Variants in LIMS2 observed in about 807,000 individuals in gnomAD.
The protein encoded by LIMS2 is LIM zinc finger domain containing 2, also known as LIM and senescent cell antigen-like-containing domain protein 2.
In LIMS2, 30 loss-of-function variants were observed where a neutral mutation model predicts 45.3. That is an observed-to-expected ratio of 0.66 (90% CI 0.50 to 0.90). LIMS2 has a LOEUF of 0.90. LIMS2 is among the 40% of genes least tolerant of loss of function. The pLI, the probability that LIMS2 is intolerant of heterozygous loss-of-function variation, is 0.00. For missense variants in LIMS2, 485 were observed against 468.7 expected (o/e 1.03, Z -0.32); for synonymous variants, 173 against 188.0 (o/e 0.92, Z 0.65).
At position 127,668,000 on chromosome 2, in the gene LIMS2, G is replaced by T. The variant is rs1335393844; in HGVS notation, c.11+7014C>A. Among the ~76,000 whole-genome samples, 1 of 152,122 alleles carries T rather than the reference G, an allele frequency of 6.6e-6. No homozygotes were observed. Among genetic ancestry groups the T allele is most frequent in the African/African-American group, 2.4e-5 (1 of 41,412 alleles). On this transcript the variant is annotated intron_variant, in intron 1 of 9. Transcript: ENST00000355119. The surrounding 1 kb of genome is among the most constrained non-coding windows in gnomAD (Gnocchi z 4.1). Reference sequence around the variant, plus strand: ...GAAATGAGTTCAGTAAGTCTGCAAGGTATACACTCAATATACCAGAATCGC... The same window carrying T: ...GAAATGAGTTCAGTAAGTCTGCAAGTTATACACTCAATATACCAGAATCGC...
At position 127,647,149 on chromosome 2, in the gene LIMS2, T is replaced by C. The variant is rs775997765; in HGVS notation, c.360-4077A>G. 6.6e-6 allele frequency among the ~76,000 whole-genome samples: 1 copy of C among 152,212 alleles called. No individual in the cohort carries two copies. Among genetic ancestry groups the C allele is most frequent in the Non-Finnish European group, 1.5e-5 (1 of 68,034 alleles). ...CAGGGCCCTGAGCCCAGTAACACTC[T>C]GCCGTCACTGTCCTGAAACTCTTCC... On this transcript the variant is annotated intron_variant, in intron 4 of 9. Transcript: ENST00000355119. This position sits in a 1 kb window ranked among gnomAD's most constrained non-coding sequence, Gnocchi z 4.3.
chr2:127,660,121 G>A (rs1450782778), intron 1 of LIMS2, among the ~76,000 whole-genome samples: 1 of 152,222 alleles, frequency 6.6e-6, no homozygotes, highest in South Asian at 2.1e-4. Flanking sequence ...CCAAAGGATT[G>A]TAAATGCACC....
Position 127,640,148 on chromosome 2 carries a change from G to A in LIMS2, c.803-3C>T, listed in dbSNP as rs1203723192. 1 of 1,613,338 alleles carries A rather than the reference G, an allele frequency of 6.2e-7. No individual in the cohort carries two copies. The highest frequency in any genetic ancestry group is 8.5e-7 in the Non-Finnish European group (1 of 1,180,004). Reference sequence around the variant, plus strand: ...GGCCTTGTTGAGGGCCGACACCACTGTGAGGGAAGCGTGGGACTCAGCAGG... The same window carrying A: ...GGCCTTGTTGAGGGCCGACACCACTATGAGGGAAGCGTGGGACTCAGCAGG... On this transcript the variant is annotated splice_polypyrimidine_tract_variant and splice_region_variant and intron_variant, in intron 8 of 9. Coordinates refer to ENST00000355119, the MANE Select transcript of LIMS2 (RefSeq NM_001161403.3).
At chr2:127,655,086 G>A in intron 2 of LIMS2, 190 bp from the exon 3 acceptor site, 3 of 654,428 alleles carry the variant, frequency 4.6e-6, no homozygotes, top group South Asian at 1.8e-5. Context: ...ATGGTGGGGT[G>A]CAAAGGGAGG....
chr2:127,678,304 T>C (rs1685544450), upstream of LIMS2, among the ~76,000 whole-genome samples: 4 of 151,998 alleles, frequency 2.6e-5, 1 homozygote, highest in South Asian at 8.3e-4. This position sits in a 1 kb window ranked among gnomAD's most constrained non-coding sequence, Gnocchi z 5.3. Context: ...GAACTCAAGA[T>C]GGGGAGATGG....
chr2:127,677,500 G>A (rs1244410167), upstream of LIMS2, among the ~76,000 whole-genome samples: 1 of 152,138 alleles, frequency 6.6e-6, no homozygotes. The surrounding 1 kb of genome is among the most constrained non-coding windows in gnomAD (Gnocchi z 5.0). Context: ...TGCAGGAAAA[G>A]CATTCCGGCA....
At position 127,675,122 on chromosome 2, in the gene LIMS2, G is replaced by T. The variant is rs1199668983; in HGVS notation, c.-98C>A. ...GAGCGCCCGCCCGCCAGCCCGGGCCGCGGAGCAGGGAGACGCCCAAAAAAG... is the reference window on the plus strand; with the variant it reads ...GAGCGCCCGCCCGCCAGCCCGGGCCTCGGAGCAGGGAGACGCCCAAAAAAG... On this transcript the variant is annotated 5_prime_UTR_variant, in exon 1 of 10. Transcript: ENST00000355119. 4 of 1,160,268 alleles carry T rather than the reference G, an allele frequency of 3.4e-6. No homozygotes were observed. 71.9% of individuals were successfully genotyped at this position (1,160,268 alleles called of 1,614,324 possible). A position where few individuals can be genotyped will look rare whatever the true frequency, so the allele number is the denominator to read the frequency against.
chr2:127,654,715 G>C, intron 3 of LIMS2, 115 bp downstream of exon 3: 1 of 1,460,780 alleles, frequency 6.8e-7, no homozygotes, highest in South Asian at 1.2e-5. Flanking sequence ...AGAGAGGCAA[G>C]GTGGGGAGTT....
At chr2:127,650,976 G>T (rs141840938) in intron 4 of LIMS2, 34 of 1,613,694 alleles carry the variant, frequency 2.1e-5, no homozygotes, top group South Asian at 1.1e-5. Context: ...CTTGTCGTGC[G>T]TGCTGGTCCT....
At chr2:127,678,456 G>C (rs970230647), upstream of LIMS2, among the ~76,000 whole-genome samples, 2 of 152,328 alleles carry the variant, frequency 1.3e-5, no homozygotes, top group South Asian at 4.1e-4. This position sits in a 1 kb window ranked among gnomAD's most constrained non-coding sequence, Gnocchi z 5.3. Context: ...CCTAGCTGCT[G>C]TGTGGCCACT....
chr2:127,658,933 A>G (rs928346738), intron 1 of LIMS2, among the ~76,000 whole-genome samples: 1 of 152,166 alleles, frequency 6.6e-6, no homozygotes, highest in African/African-American at 2.4e-5. Flanking sequence ...CCGCGACATC[A>G]TGAGGGAAAT....
intron 1 of LIMS2, among the ~76,000 whole-genome samples, chr2:127,661,646 T>C (rs569758867): frequency 1.3e-5 from 2 of 151,930 alleles, no homozygotes; most frequent in South Asian, 4.2e-4. Context: ...ACCCCAGAGG[T>C]GGGGGAGAGC....
At chr2:127,662,368 C>G (rs1222421861) in intron 1 of LIMS2, among the ~76,000 whole-genome samples, 2 of 151,922 alleles carry the variant, frequency 1.3e-5, no homozygotes, top group South Asian at 4.2e-4. Flanking sequence ...CGGGGAGGGA[C>G]CCTACTGCAG....
At chr2:127,651,534 GCCTCCTGCGCCACCCAGCGCATCCTGGC>G (rs745935215) in intron 4 of LIMS2, 1 of 1,612,458 alleles carries the variant, frequency 6.2e-7, no homozygotes, top group Non-Finnish European at 8.5e-7. Flanking sequence ...CAGCCATGGG[GCCTCCTGCGCCACCCAGCGCATCCTGGC>G]CCTGGCAAAC....
chr2:127,656,664 C>G (rs927370203), intron 2 of LIMS2, among the ~76,000 whole-genome samples: 18 of 152,202 alleles, frequency 1.2e-4, no homozygotes, highest in African/African-American at 4.1e-4. Context: ...ATCCATCTGC[C>G]TCCGCCTCCC....
chr2:127,661,351 C>T (rs952019824), intron 1 of LIMS2, among the ~76,000 whole-genome samples: 1 of 152,252 alleles, frequency 6.6e-6, no homozygotes, highest in Non-Finnish European at 1.5e-5. Context: ...CCAGGCCAGG[C>T]AGGGCAAAGC....
At chr2:127,640,861 G>A (rs1262443032) in intron 7 of LIMS2, 35 bp downstream of exon 7, 2 of 1,591,506 alleles carry the variant, frequency 1.3e-6, no homozygotes, top group South Asian at 2.2e-5. Context: ...CACCCCTCCA[G>A]ACCCGCATCC....
intron 1 of LIMS2, among the ~76,000 whole-genome samples, chr2:127,662,999 C>T (rs1271683155): frequency 6.6e-6 from 1 of 152,192 alleles, no homozygotes; most frequent in Middle Eastern, 3.2e-3. Flanking sequence ...CAACAAAGAA[C>T]TGACAAAGGA....
chr2:127,664,312 G>C lies in LIMS2; in HGVS notation c.12-6750C>G. 8.1e-7 allele frequency: 1 copy of C among 1,234,336 alleles called. No homozygotes were observed. The highest frequency in any genetic ancestry group is 3.7e-5 in the South Asian group (1 of 27,002). The allele number at this position is 1,234,336 out of a possible 1,614,324, so 76.5% of individuals were successfully genotyped here. The stretch of plus-strand genomic sequence containing the variant: ...CCCGCCCCTGGCCACCTACCCCGTG[G>C]CTGGCGGCGGGCTCTGCCGGTGCTG... On this transcript the variant is annotated intron_variant, in intron 1 of 9. Coordinates refer to ENST00000355119, the MANE Select transcript of LIMS2 (RefSeq NM_001161403.3). This position sits in a 1 kb window ranked among gnomAD's most constrained non-coding sequence, Gnocchi z 5.5.
Sources: allele counts gnomAD v4.1 joint callset (sites outside exome capture counted in the v4.1 genomes callset), GRCh38; gene constraint gnomAD v4.1.1; non-coding constraint Gnocchi (gnomAD v3.1); transcripts MANE v1.5; gene names NCBI Gene and HGNC (gene_info 2026-07-23, HGNC 2026-07-21).